SAMTOR: variants seen among roughly 807,000 people sequenced by gnomAD.
SAMTOR encodes the protein S-adenosylmethionine sensor upstream of mTORC1.
the SAMTOR span, among the ~76,000 whole-genome samples, chr7:112,920,852 T>C: frequency 1.3e-5 from 2 of 151,898 alleles, no homozygotes; most frequent in African/African-American, 4.8e-5. Flanking sequence ...CACAATTGCT[T>C]CAAAGAGAAT....
At chr7:112,922,303 C>A in the SAMTOR span, among the ~76,000 whole-genome samples, 1 of 152,176 alleles carries the variant, frequency 6.6e-6, no homozygotes, top group East Asian at 1.9e-4. Flanking sequence ...TCTCGGCTTG[C>A]TACAACCTCC....
At chr7:112,939,280 G>C in the SAMTOR span, 1 of 416,208 alleles carries the variant, frequency 2.4e-6, no homozygotes, top group East Asian at 4.7e-5. Flanking sequence ...CTGTGAGCGT[G>C]TATGTGTTTG....
At chr7:112,897,110 G>T in the SAMTOR span, among the ~76,000 whole-genome samples, 3 of 152,186 alleles carry the variant, frequency 2.0e-5, no homozygotes, top group African/African-American at 7.2e-5. Context: ...TTAAAATGCA[G>T]TCTTTACAAA....
chr7:112,908,353 C>G, the SAMTOR span, among the ~76,000 whole-genome samples: 1 of 152,144 alleles, frequency 6.6e-6, no homozygotes, highest in Non-Finnish European at 1.5e-5. Context: ...CAGCTTTTTC[C>G]TGCCTTCAGA....
At chr7:112,830,916 T>A in the SAMTOR span, among the ~76,000 whole-genome samples, 1 of 151,660 alleles carries the variant, frequency 6.6e-6, no homozygotes, top group Non-Finnish European at 1.5e-5. Flanking sequence ...TACAACAACC[T>A]ATGAAATGTG....
chr7:112,829,519 T>C, the SAMTOR span, among the ~76,000 whole-genome samples: 8 of 152,224 alleles, frequency 5.3e-5, no homozygotes, highest in African/African-American at 1.9e-4. Context: ...TGTTGGCTGA[T>C]TTATCTCCTC....
chr7:112,868,200 C>A, the SAMTOR span, among the ~76,000 whole-genome samples: 1 of 152,180 alleles, frequency 6.6e-6, no homozygotes, highest in Non-Finnish European at 1.5e-5. Context: ...TATTAAGCAA[C>A]CAAGAGTTTT....
chr7:112,861,085 C>G, the SAMTOR span, among the ~76,000 whole-genome samples: 1 of 151,998 alleles, frequency 6.6e-6, no homozygotes, highest in Non-Finnish European at 1.5e-5. Context: ...TATCATTGCC[C>G]TAAGTGATTA....
chr7:112,929,782 C>T, the SAMTOR span, among the ~76,000 whole-genome samples: 3 of 152,002 alleles, frequency 2.0e-5, no homozygotes, highest in African/African-American at 4.8e-5. Context: ...AAATGTTCTA[C>T]GCCTTATTGT....
chr7:112,858,971 A>G, the SAMTOR span, among the ~76,000 whole-genome samples: 1 of 152,350 alleles, frequency 6.6e-6, no homozygotes, highest in East Asian at 1.9e-4. Context: ...GAAGGCACTT[A>G]GATGAAATTA....
chr7:112,916,325 T>C, the SAMTOR span, among the ~76,000 whole-genome samples: 1 of 152,316 alleles, frequency 6.6e-6, no homozygotes, highest in Admixed American at 6.5e-5. Flanking sequence ...GTAATGGTAA[T>C]AGAGTAAACA....
At chr7:112,903,519 T>C in the SAMTOR span, among the ~76,000 whole-genome samples, 1 of 152,092 alleles carries the variant, frequency 6.6e-6, no homozygotes, top group African/African-American at 2.4e-5. Context: ...ACATTATTAG[T>C]TAGCATCACA....
At chr7:112,850,517 A>G in the SAMTOR span, among the ~76,000 whole-genome samples, 14 of 152,234 alleles carry the variant, frequency 9.2e-5, no homozygotes, top group African/African-American at 3.4e-4. Flanking sequence ...CTGGCTGTGA[A>G]CTTGGTCCTT....
the SAMTOR span, among the ~76,000 whole-genome samples, chr7:112,876,922 A>C: frequency 0.37 from 56,103 of 152,064 alleles, 11,998 homozygotes; most frequent in Non-Finnish European, 0.49. Flanking sequence ...GTTCACACCA[A>C]ATATTAGCTC....
chr7:112,830,559 T>C, the SAMTOR span, among the ~76,000 whole-genome samples: 1 of 152,156 alleles, frequency 6.6e-6, no homozygotes, highest in African/African-American at 2.4e-5. Flanking sequence ...CATGTATATC[T>C]TGAGGAAGGA....
chr7:112,934,595 G>A, the SAMTOR span, among the ~76,000 whole-genome samples: 8 of 152,066 alleles, frequency 5.3e-5, no homozygotes, highest in South Asian at 2.1e-4. Context: ...TTTAGATCAG[G>A]TTAGTATAAA....
At chr7:112,883,712 GA>G in the SAMTOR span, among the ~76,000 whole-genome samples, 1 of 152,166 alleles carries the variant, frequency 6.6e-6, no homozygotes, top group Non-Finnish European at 1.5e-5. Context: ...ATAGATTTTG[GA>G]AAGTATGATG....
chr7:112,834,037 C>T, the SAMTOR span, among the ~76,000 whole-genome samples: 1 of 152,188 alleles, frequency 6.6e-6, no homozygotes, highest in Admixed American at 6.5e-5. Context: ...TGAATGTCTA[C>T]AGTTTAGTTT....
the SAMTOR span, among the ~76,000 whole-genome samples, chr7:112,925,855 G>A: frequency 1.3e-5 from 2 of 151,900 alleles, no homozygotes; most frequent in African/African-American, 2.4e-5. Flanking sequence ...AGTTTAATTG[G>A]GTGAGAATCC....
Sources: gnomAD v4.1 joint callset for allele counts (sites outside exome capture counted in the v4.1 genomes callset) on GRCh38, gnomAD v4.1.1 for gene constraint, MANE v1.5 for transcripts, NCBI Gene and HGNC (gene_info 2026-07-23, HGNC 2026-07-21) for gene names.